The following MCCC2 variants were observed in gnomAD, a reference collection of about 807,000 sequenced individuals.
MCCC2 encodes the protein methylcrotonyl-CoA carboxylase subunit 2, also known as methylcrotonoyl-CoA carboxylase beta chain, mitochondrial.
A neutral mutation model predicts 77.2 loss-of-function variants in MCCC2; 52 were observed. That is an observed-to-expected ratio of 0.67 (90% CI 0.54 to 0.85). The LOEUF (loss-of-function observed/expected upper bound fraction) is 0.85, where lower values mean the gene tolerates loss of function less well. Among genes scored for constraint, MCCC2 ranks in the 40% least tolerant of loss-of-function variants. The probability of loss-of-function intolerance (pLI) is 0.00; values close to 1 mark genes in which losing one functional copy is unlikely to be tolerated. For synonymous variants in MCCC2, 253 were observed against 248.4 expected (o/e 1.02, Z -0.18); for missense variants, 682 against 703.2 (o/e 0.97, Z 0.34).
At chr5:71,624,528 C>T (rs952268233) in intron 6 of MCCC2, among the ~76,000 whole-genome samples, 1 of 151,532 alleles carries the variant, frequency 6.6e-6, no homozygotes, top group Non-Finnish European at 1.5e-5. Flanking sequence ...CAGGCATGCA[C>T]CACCGTGCCT....
rs140199583 is a variant in MCCC2, at chr5:71,597,385, A to C, written c.281+1021A>C. Among the ~76,000 whole-genome samples, 839 of 152,248 alleles carry C rather than the reference A, an allele frequency of 5.5e-3. 7 individuals are homozygous for C. Among genetic ancestry groups the C allele is most frequent in the African/African-American group, 0.019 (805 of 41,548 alleles). Reference sequence around the variant, plus strand: ...GAGCTATTGTAGGGTTTTGAACAGGAGATGATTATGATCTGACATAGCTTA... The same window carrying C: ...GAGCTATTGTAGGGTTTTGAACAGGCGATGATTATGATCTGACATAGCTTA... On this transcript the variant is annotated intron_variant, in intron 3 of 16. Transcript: ENST00000340941.
At chr5:71,593,249 G>A (rs1250097737) in intron 2 of MCCC2, among the ~76,000 whole-genome samples, 1 of 151,934 alleles carries the variant, frequency 6.6e-6, no homozygotes. Flanking sequence ...CTCCATGCCT[G>A]TCTAATTTTT....
intron 7 of MCCC2, among the ~76,000 whole-genome samples, chr5:71,631,870 A>C (rs939866308): frequency 6.6e-6 from 1 of 151,950 alleles, no homozygotes; most frequent in Admixed American, 6.6e-5. Flanking sequence ...GTGTGGGCTC[A>C]AATGAGACTC....
At chr5:71,642,511 A>G (rs1193862462) in intron 11 of MCCC2, among the ~76,000 whole-genome samples, 1 of 152,114 alleles carries the variant, frequency 6.6e-6, no homozygotes, top group Non-Finnish European at 1.5e-5. Context: ...TAGTGTGGGG[A>G]CATGTTCCCT....
At chr5:71,631,761 C>T (rs1010644120) in intron 7 of MCCC2, among the ~76,000 whole-genome samples, 4 of 151,868 alleles carry the variant, frequency 2.6e-5, no homozygotes, top group East Asian at 3.9e-4. Flanking sequence ...AGCATGGTCT[C>T]GATCTCCTGA....
intron 7 of MCCC2, among the ~76,000 whole-genome samples, chr5:71,626,998 C>T (rs1023501217): frequency 6.6e-6 from 1 of 152,114 alleles, no homozygotes; most frequent in Non-Finnish European, 1.5e-5. Flanking sequence ...TCCCTATTTC[C>T]GTCACCTCTG....
At chr5:71,636,080 A>G in intron 10 of MCCC2, 1 of 405,824 alleles carries the variant, frequency 2.5e-6, no homozygotes, top group Middle Eastern at 3.8e-4. Context: ...AGTTTAAATT[A>G]TAAACATTTT....
At chr5:71,648,265 G>A (rs1243485951) in intron 13 of MCCC2, among the ~76,000 whole-genome samples, 1 of 152,168 alleles carries the variant, frequency 6.6e-6, no homozygotes, top group Non-Finnish European at 1.5e-5. Context: ...TGGAAGAAAT[G>A]CCTTTGCTGG....
chr5:71,611,576 A>G (rs1479529682), intron 6 of MCCC2, among the ~76,000 whole-genome samples: 1 of 152,216 alleles, frequency 6.6e-6, no homozygotes, highest in Non-Finnish European at 1.5e-5. Flanking sequence ...TGAGTAAAAA[A>G]CATAGTAGAA....
At chr5:71,646,785 G>A (rs1380943632) in intron 13 of MCCC2, among the ~76,000 whole-genome samples, 2 of 152,228 alleles carry the variant, frequency 1.3e-5, no homozygotes, top group East Asian at 1.9e-4. Context: ...AAAGCAGCAG[G>A]AGCATGATCT....
rs761933213 is a variant in MCCC2, at chr5:71,592,961, G to T, written c.165G>T (p.Gln55His). The T allele has an allele frequency of 3.1e-6, 5 of 1,613,266 alleles. No homozygotes were observed. Among genetic ancestry groups the T allele is most frequent in the Non-Finnish European group, 3.4e-6 (4 of 1,179,754 alleles). The stretch of plus-strand genomic sequence containing the variant: ...AGCAGATGAAAGCACTAGTAAATCA[G>T]CTCCATGAACGAGTGGAGCATATAA... ...NYKQMKALVN[Q>H]LHERVEHIKL... is the part of the protein sequence containing the mutation. The change falls in exon 2 of 17, where the codon CAG (glutamine) becomes CAT (histidine). Residue 55 changes from glutamine to histidine, a missense_variant. Transcript: ENST00000340941.
intron 6 of MCCC2, among the ~76,000 whole-genome samples, chr5:71,611,869 A>G (rs759461929): frequency 2.2e-4 from 33 of 151,350 alleles, no homozygotes; most frequent in Non-Finnish European, 8.8e-5. Context: ...GCTCACTGCA[A>G]ACTTTGCCTC....
intron 1 of MCCC2, 81 bp from the exon 2 acceptor site, chr5:71,592,845 T>C (rs1182008319): frequency 3.5e-6 from 4 of 1,141,150 alleles, no homozygotes; most frequent in Middle Eastern, 4.1e-4. Flanking sequence ...ACTGTTTTTT[T>C]TTTTTTTTTG....
At position 71,619,537 on chromosome 5, in the gene MCCC2, A is replaced by G. The variant is rs542530056; in HGVS notation, c.625-7103A>G. Among the ~76,000 whole-genome samples the G allele has an allele frequency of 3.3e-5, 5 of 152,146 alleles. No homozygotes were observed. In the East Asian group the frequency reaches 9.7e-4, roughly 29 times the overall value. On this transcript the variant is annotated intron_variant, in intron 6 of 16. Transcript: ENST00000340941. ...CTCCCAAAGTGCTGGGATTACAGGC[A>G]TGAGCCAATGTGGCCTCTCGTTGTT...
chr5:71,587,404 C>T lies in MCCC2; in HGVS notation c.-22C>T, dbSNP rs1015973434. On this transcript the variant is annotated 5_prime_UTR_variant, in exon 1 of 17. Coordinates refer to ENST00000340941, the MANE Select transcript of MCCC2 (RefSeq NM_022132.5). ...CGGCTCCAGGCCAGCGTGGGCCGCTCTCTCGCTCGGTGCCCGCCGCCATGT... is the reference window on the plus strand; with the variant it reads ...CGGCTCCAGGCCAGCGTGGGCCGCTTTCTCGCTCGGTGCCCGCCGCCATGT... 3 of 1,532,668 alleles carry T rather than the reference C, an allele frequency of 2.0e-6. No individual in the cohort carries two copies. The highest frequency in any genetic ancestry group is 2.6e-6 in the Non-Finnish European group (3 of 1,145,662). The allele number at this position is 1,532,668 out of a possible 1,614,324, so 94.9% of individuals were successfully genotyped here.
At chr5:71,590,223 A>G (rs1335254341) in intron 1 of MCCC2, among the ~76,000 whole-genome samples, 1 of 152,182 alleles carries the variant, frequency 6.6e-6, no homozygotes, top group African/African-American at 2.4e-5. Context: ...TTTTGCCACT[A>G]AACTACACTG....
rs1215619050 is a variant in MCCC2 at position 71,633,129 on chromosome 5, A to ATTTTTTTTTTT, written c.803+945_803+946insTTTTTTTTTTT. Among the ~76,000 whole-genome samples the ATTTTTTTTTTT allele has an allele frequency of 5.4e-3, 443 of 81,814 alleles. 7 individuals are homozygous for ATTTTTTTTTTT. The highest frequency in any genetic ancestry group is 7.7e-3 in the Non-Finnish European group (332 of 42,936). The allele number at this position is 81,814 out of a possible 152,430, so 53.7% of individuals were successfully genotyped here. A position where few individuals can be genotyped will look rare whatever the true frequency, so the allele number is the denominator to read the frequency against. Reference sequence around the variant, plus strand: ...TATATATATATATATATATATATATATATTTTTATTTTTTGTAGAAACAGG... The same window carrying ATTTTTTTTTTT: ...TATATATATATATATATATATATATATTTTTTTTTTTTATTTTTATTTTTTGTAGAAACAGG... On this transcript the variant is annotated intron_variant, in intron 8 of 16. Transcript: ENST00000340941.
chr5:71,620,880 G>C (rs986029495), intron 6 of MCCC2, among the ~76,000 whole-genome samples: 1 of 152,146 alleles, frequency 6.6e-6, no homozygotes, highest in African/African-American at 2.4e-5. Flanking sequence ...ATCTCTGTTT[G>C]TTCCTGTCAC....
intron 10 of MCCC2, among the ~76,000 whole-genome samples, chr5:71,638,950 T>G (rs1025390341): frequency 3.3e-5 from 5 of 152,172 alleles, no homozygotes; most frequent in African/African-American, 1.2e-4. Context: ...TCTATCAGAG[T>G]CTTGAGTGAC....
Sources: gnomAD v4.1 joint callset for allele counts (sites outside exome capture counted in the v4.1 genomes callset) on GRCh38, gnomAD v4.1.1 for gene constraint, MANE v1.5 for transcripts, NCBI Gene and HGNC (gene_info 2026-07-23, HGNC 2026-07-21) for gene names.